The following TMEM132B variants were observed in gnomAD, a reference collection of about 807,000 sequenced individuals.
TMEM132B encodes the protein transmembrane protein 132B.
In TMEM132B, 18 loss-of-function variants were observed where a neutral mutation model predicts 90.8. The observed-to-expected ratio is 0.20, with a 90% confidence interval of 0.14 to 0.29. The LOEUF is 0.29. TMEM132B is among the 10% of genes least tolerant of loss of function. The pLI is 1.00. For missense variants in TMEM132B, 1,096 were observed against 1,326.8 expected (o/e 0.83, Z 2.70); for synonymous variants, 504 against 523.3 (o/e 0.96, Z 0.50).
rs1436384231 is a variant in TMEM132B, at chr12:125,349,958, C to G, written c.574C>G (p.Leu192Val). ...QGAPGLCVAE[L>V]ELLPEWFSSG... ...GGCCCCAGGGCTGTGTGTGGCTGAG[C>G]TGGAGCTGCTGCCCGAGTGGTTCAG... is the stretch of plus-strand genomic sequence containing the variant. The change falls in exon 2 of 9, where the codon CTG becomes GTG. Residue 192 changes from leucine to valine, a missense_variant. Transcript: ENST00000682704. This position sits in a 1 kb window ranked among gnomAD's most constrained non-coding sequence, Gnocchi z 4.1. 6.2e-7 allele frequency: 1 copy of G among 1,614,192 alleles called. No homozygotes were observed. Among genetic ancestry groups the G allele is most frequent in the Non-Finnish European group, 8.5e-7 (1 of 1,180,044 alleles).
At chr12:125,570,602 A>C (rs1483892883) in intron 4 of TMEM132B, among the ~76,000 whole-genome samples, 3 of 152,172 alleles carry the variant, frequency 2.0e-5, no homozygotes, top group African/African-American at 7.2e-5. Context: ...TGAATTTTGA[A>C]ATCACTTTCT....
chr12:125,256,505 C>G (rs1312621441), intron 1 of TMEM132B, among the ~76,000 whole-genome samples: 2 of 152,168 alleles, frequency 1.3e-5, no homozygotes, highest in African/African-American at 2.4e-5. Context: ...TTTATTGGAA[C>G]ACAGCCACAC....
intron 3 of TMEM132B, among the ~76,000 whole-genome samples, chr12:125,502,025 C>CACGAATGCGTGTGTGTGCACATATGCAT (rs1882711820): frequency 6.6e-6 from 1 of 152,162 alleles, no homozygotes; most frequent in Admixed American, 6.6e-5. Context: ...CACATATGCA[C>CACGAATGCGTGTGTGTGCACATATGCAT]GCACGAATGC....
Position 125,445,414 on chromosome 12 carries a change from C to T in TMEM132B, c.1106+29737C>T, listed in dbSNP as rs779320512. Among the ~76,000 whole-genome samples the T allele has an allele frequency of 2.6e-5, 4 of 152,220 alleles. No individual in the cohort carries two copies. The highest frequency in any genetic ancestry group is 4.8e-5 in the African/African-American group (2 of 41,456). On this transcript the variant is annotated intron_variant, in intron 3 of 8. Coordinates refer to ENST00000682704, the MANE Select transcript of TMEM132B (RefSeq NM_001366854.1). The surrounding 1 kb of genome is among the most constrained non-coding windows in gnomAD (Gnocchi z 4.3). ...ACTCCTCAATCTCAAATTCACCCTT[C>T]ACCACCTGCTCTGAGACAATGGGCC...
rs1879563463 is a variant in TMEM132B, at chr12:125,408,243, G to A, written c.960-7288G>A. Among the ~76,000 whole-genome samples, 1 of 152,198 alleles carries A rather than the reference G, an allele frequency of 6.6e-6. No individual in the cohort carries two copies. Among genetic ancestry groups the A allele is most frequent in the African/African-American group, 2.4e-5 (1 of 41,446 alleles). ...GCTGTATAGTGTTCCACTGTGAGAT[G>A]TTACGCTTTACCAGTTCCGTTGTCA... On this transcript the variant is annotated intron_variant, in intron 2 of 8. Coordinates refer to ENST00000682704, the MANE Select transcript of TMEM132B (RefSeq NM_001366854.1). The surrounding 1 kb of genome is among the most constrained non-coding windows in gnomAD (Gnocchi z 5.9).
At chr12:125,222,100 C>CA (rs1408391539) in intron 1 of TMEM132B, among the ~76,000 whole-genome samples, 1 of 152,134 alleles carries the variant, frequency 6.6e-6, no homozygotes, top group Non-Finnish European at 1.5e-5. Context: ...TGTCAAGGCC[C>CA]AAGTATTTCA....
chr12:125,500,961 G>A (rs1175878990), intron 3 of TMEM132B, among the ~76,000 whole-genome samples: 1 of 152,202 alleles, frequency 6.6e-6, no homozygotes, highest in Non-Finnish European at 1.5e-5. Flanking sequence ...GGAAGGTTTT[G>A]AAGGAAGTCC....
intron 3 of TMEM132B, among the ~76,000 whole-genome samples, chr12:125,452,136 C>T (rs1369283082): frequency 1.3e-5 from 2 of 152,206 alleles, no homozygotes; most frequent in Non-Finnish European, 2.9e-5. Flanking sequence ...GTTCTGGGCT[C>T]ATCTTCATGC....
At chr12:125,464,938 T>G (rs1162007682) in intron 3 of TMEM132B, among the ~76,000 whole-genome samples, 2 of 152,258 alleles carry the variant, frequency 1.3e-5, no homozygotes, top group Non-Finnish European at 2.9e-5. Context: ...TGTATCTCAT[T>G]AATGAGACTT....
At chr12:125,309,330 G>A (rs1470299611) in intron 1 of TMEM132B, among the ~76,000 whole-genome samples, 2 of 152,182 alleles carry the variant, frequency 1.3e-5, no homozygotes, top group African/African-American at 4.8e-5. Flanking sequence ...TCTTTTAGGG[G>A]TAGTAAGATT....
intron 4 of TMEM132B, among the ~76,000 whole-genome samples, chr12:125,577,845 A>G (rs1380736100): frequency 5.3e-5 from 8 of 151,740 alleles, no homozygotes; most frequent in Non-Finnish European, 8.8e-5. Context: ...TTCTCTTGTG[A>G]TTTATTTTTT....
chr12:125,603,476 G>A (rs1266076839), intron 5 of TMEM132B, among the ~76,000 whole-genome samples: 4 of 152,048 alleles, frequency 2.6e-5, no homozygotes, highest in Admixed American at 2.6e-4. Flanking sequence ...ACTTACATGT[G>A]AAACCCCAAA....
intron 2 of TMEM132B, among the ~76,000 whole-genome samples, chr12:125,357,948 G>C (rs1220974780): frequency 6.6e-6 from 1 of 152,236 alleles, no homozygotes; most frequent in Non-Finnish European, 1.5e-5. Context: ...CCATCCCTGG[G>C]TTGGAGGCAG....
rs1044616005 is a variant in TMEM132B at position 125,284,638 on chromosome 12, C to T, written c.68-64814C>T. Among the ~76,000 whole-genome samples the T allele has an allele frequency of 2.2e-4, 33 of 152,200 alleles. No individual in the cohort carries two copies. In the Middle Eastern group the frequency reaches 9.5e-3, roughly 44 times the overall value. ...CGTGGATATACCATAGTTTCTTTTG[C>T]CAGTATCTGGTGGATAGACATTCAA... On this transcript the variant is annotated intron_variant, in intron 1 of 8. Coordinates refer to ENST00000682704, the MANE Select transcript of TMEM132B (RefSeq NM_001366854.1).
chr12:125,283,928 G>A lies in TMEM132B; in HGVS notation c.68-65524G>A, dbSNP rs551453432. On this transcript the variant is annotated intron_variant, in intron 1 of 8. Coordinates refer to ENST00000682704, the MANE Select transcript of TMEM132B (RefSeq NM_001366854.1). ...ATAAAGGAATCGAGGTCCAGGAAGG[G>A]GAGTAGAATTACCAAAGCCTCCAAG... 1.1e-4 allele frequency among the ~76,000 whole-genome samples: 17 copies of A among 152,304 alleles called. No individual in the cohort carries two copies. The South Asian group carries it at 3.5e-3, about 32-fold the overall frequency.
chr12:125,290,632 G>A (rs911575530), intron 1 of TMEM132B, among the ~76,000 whole-genome samples: 2 of 152,174 alleles, frequency 1.3e-5, no homozygotes, highest in African/African-American at 4.8e-5. Context: ...GATCTATATT[G>A]CTGTAGTTTA....
chr12:125,505,249 G>T (rs1882817490), intron 3 of TMEM132B, among the ~76,000 whole-genome samples: 1 of 148,266 alleles, frequency 6.7e-6, no homozygotes, highest in African/African-American at 2.5e-5. Flanking sequence ...TATCAGGCTA[G>T]GATTATAAGG....
chr12:125,214,690 G>T (rs1051557134), intron 1 of TMEM132B, among the ~76,000 whole-genome samples: 7 of 152,320 alleles, frequency 4.6e-5, no homozygotes, highest in African/African-American at 1.7e-4. Flanking sequence ...TCAGGCTGGT[G>T]CCAAAAAGAA....
At chr12:125,510,097 AAGAT>A (rs1285245207) in intron 3 of TMEM132B, among the ~76,000 whole-genome samples, 1 of 152,186 alleles carries the variant, frequency 6.6e-6, no homozygotes, top group African/African-American at 2.4e-5. Context: ...TGTTGTCAGA[AAGAT>A]AGAGGCAGTG....
Sources: allele counts gnomAD v4.1 joint callset (sites outside exome capture counted in the v4.1 genomes callset), GRCh38; gene constraint gnomAD v4.1.1; non-coding constraint Gnocchi (gnomAD v3.1); transcripts MANE v1.5; gene names NCBI Gene and HGNC (gene_info 2026-07-23, HGNC 2026-07-21).